The following SEMA6D variants were observed in gnomAD, a reference collection of about 807,000 sequenced individuals.
The protein encoded by SEMA6D is semaphorin 6D, also known as semaphorin-6D.
A neutral mutation model predicts 106.6 loss-of-function variants in SEMA6D; 35 were observed. The observed-to-expected ratio is 0.33, with a 90% confidence interval of 0.25 to 0.44. The LOEUF is 0.44. Among genes scored for constraint, SEMA6D ranks in the 20% least tolerant of loss-of-function variants. The pLI, the probability that SEMA6D is intolerant of heterozygous loss-of-function variation, is 1.00. For synonymous variants in SEMA6D, 499 were observed against 487.7 expected (o/e 1.02, Z -0.31); for missense variants, 1,185 against 1,345.9 (o/e 0.88, Z 1.87).
chr15:47,515,591 TC>T (rs2044362684), intron 3 of SEMA6D, among the ~76,000 whole-genome samples: 1 of 152,132 alleles, frequency 6.6e-6, no homozygotes, highest in African/African-American at 2.4e-5. Context: ...GGATTTTTTT[TC>T]CCTCCCAGAG....
intron 3 of SEMA6D, among the ~76,000 whole-genome samples, chr15:47,545,125 T>C (rs1269453727): frequency 6.6e-6 from 1 of 152,084 alleles, no homozygotes; most frequent in East Asian, 1.9e-4. Context: ...CTAGAAAATG[T>C]AGACATATAC....
At chr15:47,599,836 A>G (rs1306633816) in intron 3 of SEMA6D, among the ~76,000 whole-genome samples, 2 of 152,136 alleles carry the variant, frequency 1.3e-5, no homozygotes, top group Non-Finnish European at 2.9e-5. Context: ...AAGAAAGAGC[A>G]CTAAAATAAA....
At chr15:47,403,119 A>C (rs1323910297) in intron 1 of SEMA6D, among the ~76,000 whole-genome samples, 2 of 152,192 alleles carry the variant, frequency 1.3e-5, no homozygotes, top group African/African-American at 4.8e-5. Context: ...GGAAGTTTGG[A>C]TTTAATGAGT....
intron 4 of SEMA6D, among the ~76,000 whole-genome samples, chr15:47,638,071 A>G (rs2077423286): frequency 6.6e-6 from 1 of 152,104 alleles, no homozygotes; most frequent in Non-Finnish European, 1.5e-5. Flanking sequence ...GTAACTAGCT[A>G]TCTTTGCTGC....
In SEMA6D at chr15:47,504,020, G is replaced by A. The variant is rs541607797; in HGVS notation, c.-87+33475G>A. ...ACAGAGAACCTGGTAGGAACCCCGA[G>A]GCTCAGTTTCCATAGCAAACACATT... On this transcript the variant is annotated intron_variant, in intron 3 of 19. Transcript: ENST00000558014. 3.3e-5 allele frequency among the ~76,000 whole-genome samples: 5 copies of A among 152,258 alleles called. No individual in the cohort carries two copies. The East Asian group carries it at 9.7e-4, about 29-fold the overall frequency.
chr15:47,560,347 G>C (rs2068338469), intron 3 of SEMA6D, among the ~76,000 whole-genome samples: 3 of 151,872 alleles, frequency 2.0e-5, no homozygotes, highest in Admixed American at 1.3e-4. Flanking sequence ...TCAACAAATA[G>C]AGAATTTCAA....
At chr15:47,346,097 A>T (rs2038035161) in intron 1 of SEMA6D, among the ~76,000 whole-genome samples, 1 of 152,172 alleles carries the variant, frequency 6.6e-6, no homozygotes, top group Admixed American at 6.5e-5. Context: ...TACCTATGTC[A>T]GATTTAGAGT....
chr15:47,448,046 C>G (rs1039318076), intron 2 of SEMA6D, among the ~76,000 whole-genome samples: 3 of 152,110 alleles, frequency 2.0e-5, no homozygotes, highest in African/African-American at 7.2e-5. Flanking sequence ...ACCCAGAAAT[C>G]CACCCAATTA....
chr15:47,335,146 A>C (rs567848475), intron 1 of SEMA6D, among the ~76,000 whole-genome samples: 1 of 152,196 alleles, frequency 6.6e-6, no homozygotes, highest in Admixed American at 6.5e-5. Flanking sequence ...CCAAGAAACT[A>C]TTGAAACTAG....
At chr15:47,264,312 ACC>A (rs1214835320) in intron 1 of SEMA6D, among the ~76,000 whole-genome samples, 17 of 150,904 alleles carry the variant, frequency 1.1e-4, no homozygotes, top group African/African-American at 4.1e-4. Context: ...TATGTAATAA[ACC>A]TGGTCATTTA....
chr15:47,410,409 TACTC>T (rs1054272496), intron 1 of SEMA6D, among the ~76,000 whole-genome samples: 3 of 152,222 alleles, frequency 2.0e-5, no homozygotes, highest in Admixed American at 2.0e-4. Context: ...AAATAAGTGT[TACTC>T]ACATGTTTTA....
chr15:47,469,897 C>T (rs892441019), intron 2 of SEMA6D, among the ~76,000 whole-genome samples: 1 of 152,028 alleles, frequency 6.6e-6, no homozygotes, highest in Non-Finnish European at 1.5e-5. Flanking sequence ...TACTTTATTT[C>T]TCCTCTCAGA....
intron 3 of SEMA6D, among the ~76,000 whole-genome samples, chr15:47,581,564 G>A (rs1400813261): frequency 6.6e-6 from 1 of 152,210 alleles, no homozygotes; most frequent in African/African-American, 2.4e-5. Flanking sequence ...ATCTAGCTAA[G>A]AGCATTCTAG....
rs1418169161 is a variant in SEMA6D, at chr15:47,764,608, G to C, written c.1098-30G>C. The C allele has an allele frequency of 2.5e-6, 4 of 1,611,834 alleles. No individual in the cohort carries two copies. In the Admixed American group the frequency reaches 6.7e-5, roughly 27 times the overall value. ...TACATGGTGTGGCAGGGGCAGCCGA[G>C]AGCATAAAATAACGCTGTTTTCCTT... On this transcript the variant is annotated intron_variant, in intron 11 of 18. Transcript: ENST00000536845.
chr15:47,371,891 A>G (rs890627703), intron 1 of SEMA6D, among the ~76,000 whole-genome samples: 1 of 152,212 alleles, frequency 6.6e-6, no homozygotes, highest in Admixed American at 6.5e-5. Flanking sequence ...CAACCATGCA[A>G]TGACACAGCA....
At chr15:47,463,693 T>G (rs764158697) in intron 2 of SEMA6D, among the ~76,000 whole-genome samples, 8 of 152,176 alleles carry the variant, frequency 5.3e-5, no homozygotes, top group Non-Finnish European at 8.8e-5. Context: ...CTGTATTAGT[T>G]TCCTGTGGCT....
intron 1 of SEMA6D, among the ~76,000 whole-genome samples, chr15:47,738,335 C>G (rs1413471012): frequency 6.6e-6 from 1 of 152,130 alleles, no homozygotes; most frequent in Non-Finnish European, 1.5e-5. Flanking sequence ...TGATCTCATT[C>G]CTTTGTATGG....
At chr15:47,349,549 T>G (rs1216897857) in intron 1 of SEMA6D, among the ~76,000 whole-genome samples, 1 of 152,196 alleles carries the variant, frequency 6.6e-6, no homozygotes, top group East Asian at 1.9e-4. Flanking sequence ...TGTCTGATTG[T>G]TTTAAAATGT....
chr15:47,674,993 C>T (rs1478464657), intron 4 of SEMA6D, among the ~76,000 whole-genome samples: 4 of 152,236 alleles, frequency 2.6e-5, no homozygotes, highest in East Asian at 3.9e-4. Context: ...GGTGAGCCTC[C>T]GCATGAGCAA....
Sources: gnomAD v4.1 joint callset for allele counts (sites outside exome capture counted in the v4.1 genomes callset) on GRCh38, gnomAD v4.1.1 for gene constraint, MANE v1.5 for transcripts, NCBI Gene and HGNC (gene_info 2026-07-23, HGNC 2026-07-21) for gene names.